AQR: variants seen among roughly 807,000 people sequenced by gnomAD.
The protein encoded by AQR is aquarius intron-binding spliceosomal factor, also known as RNA helicase aquarius.
In AQR, 61 loss-of-function variants were observed where a neutral mutation model predicts 180.5. The ratio of observed to expected loss-of-function variants is 0.34; its 90% CI spans 0.28 to 0.42. The LOEUF is 0.42. Among genes scored for constraint, AQR ranks in the 10% least tolerant of loss-of-function variants. The pLI is 1.00. For synonymous variants in AQR, 551 were observed against 588.8 expected, an observed-to-expected ratio of 0.94 and a Z score of 0.93; for missense variants, 1,281 against 1,798.3, an observed-to-expected ratio of 0.71 and a Z score of 5.20.
At chr15:34,953,641 T>C (rs1319694004) in intron 3 of AQR, among the ~76,000 whole-genome samples, 1 of 152,222 alleles carries the variant, frequency 6.6e-6, no homozygotes, top group Non-Finnish European at 1.5e-5. Context: ...GCCAAAGTAC[T>C]GGCTTCTACA....
At chr15:34,874,140 G>C (rs1349467203) in intron 29 of AQR, 141 bp from the exon 30 acceptor site, 7 of 827,236 alleles carry the variant, frequency 8.5e-6, no homozygotes, top group Non-Finnish European at 1.2e-5. Context: ...AAGCAATAAT[G>C]CTCTTTCAAC....
intron 5 of AQR, among the ~76,000 whole-genome samples, chr15:34,947,507 T>TAAA (rs748885960): frequency 0.018 from 2,459 of 134,722 alleles, 94 homozygotes; most frequent in East Asian, 0.11. Context: ...GAATGATCAA[T>TAAA]AAAAAAAATA....
At chr15:34,910,023 G>T in intron 17 of AQR, 112 bp downstream of exon 17, 1 of 1,237,756 alleles carries the variant, frequency 8.1e-7, no homozygotes. Flanking sequence ...CAAGGATAAC[G>T]CTTAATAAAA....
At chr15:34,886,772 G>C (rs1185868056) in intron 24 of AQR, 111 bp from the exon 25 acceptor site, 9 of 1,102,292 alleles carry the variant, frequency 8.2e-6, no homozygotes, top group Non-Finnish European at 1.0e-5. Context: ...AAAAAAACTA[G>C]AAGATATGGC....
At chr15:34,954,351 G>A (rs2140504692) in intron 3 of AQR, among the ~76,000 whole-genome samples, 1 of 151,920 alleles carries the variant, frequency 6.6e-6, no homozygotes, top group South Asian at 2.1e-4. Flanking sequence ...TATTGCCCAG[G>A]CTAGAGTACA....
intron 11 of AQR, 126 bp downstream of exon 11, chr15:34,932,192 T>C (rs1893875012): frequency 5.7e-6 from 4 of 705,886 alleles, no homozygotes; most frequent in Admixed American, 2.9e-5. Flanking sequence ...TCATTTTATA[T>C]ATTAAGACAT....
At chr15:34,948,992 C>CT (rs752603530) in intron 4 of AQR, among the ~76,000 whole-genome samples, 13 of 150,542 alleles carry the variant, frequency 8.6e-5, no homozygotes, top group South Asian at 2.1e-4. Flanking sequence ...TTACTTAAGG[C>CT]TTTTTTTTTG....
At chr15:34,896,090 A>G (rs1051047466) in intron 22 of AQR, among the ~76,000 whole-genome samples, 2 of 152,238 alleles carry the variant, frequency 1.3e-5, no homozygotes, top group African/African-American at 4.8e-5. Context: ...ATACTTAAAA[A>G]TTAAACACAC....
At chr15:34,887,401 T>C (rs1046273545) in intron 24 of AQR, among the ~76,000 whole-genome samples, 3 of 152,230 alleles carry the variant, frequency 2.0e-5, no homozygotes, top group African/African-American at 4.8e-5. Context: ...TAAAAGTAGA[T>C]TAGATCTAAA....
chr15:34,856,497 ATATAT>A lies in AQR; in HGVS notation c.*290_*294del. 2 of 409,228 alleles carry A rather than the reference ATATAT, an allele frequency of 4.9e-6. No individual in the cohort carries two copies. The highest frequency in any genetic ancestry group is 8.6e-6 in the Non-Finnish European group (2 of 231,566). The allele number at this position is 409,228 out of a possible 1,614,324, so 25.3% of individuals were successfully genotyped here. A position where few individuals can be genotyped will look rare whatever the true frequency, so the allele number is the denominator to read the frequency against. On this transcript the variant is annotated 3_prime_UTR_variant, in exon 35 of 35. Coordinates refer to ENST00000156471, the MANE Select transcript of AQR (RefSeq NM_014691.3). ...GAGAAGTTCACTAAAAATGTGAAGTATATATTATATATTCATAGAAAATGATTTTA... is the reference window on the plus strand; with the variant it reads ...GAGAAGTTCACTAAAAATGTGAAGTATATATATTCATAGAAAATGATTTTA...
At chr15:34,962,326 A>G (rs567518642) in intron 2 of AQR, among the ~76,000 whole-genome samples, 33 of 152,240 alleles carry the variant, frequency 2.2e-4, no homozygotes, top group African/African-American at 7.7e-4. Context: ...CTAGCCTATA[A>G]TATCTTTTAA....
intron 31 of AQR, chr15:34,869,765 A>G (rs1353309948): frequency 2.0e-5 from 3 of 151,996 alleles, no homozygotes; most frequent in African/African-American, 4.8e-5. Context: ...ATTTTCTTCC[A>G]GCTTACATTT....
intron 33 of AQR, 135 bp downstream of exon 33, chr15:34,862,732 C>T: frequency 1.1e-6 from 1 of 899,406 alleles, no homozygotes; most frequent in Non-Finnish European, 1.6e-6. Flanking sequence ...TACCTCAGTT[C>T]CTCAGTGCAG....
chr15:34,918,516 C>T (rs1301351560), intron 14 of AQR, 138 bp from the exon 15 acceptor site: 1 of 954,130 alleles, frequency 1.0e-6, no homozygotes, highest in African/African-American at 1.7e-5. Context: ...CCTATTTTCT[C>T]CATAGATCAA....
At chr15:34,927,236 G>A (rs956335569) in intron 12 of AQR, 98 bp from the exon 13 acceptor site, 15 of 666,320 alleles carry the variant, frequency 2.3e-5, no homozygotes, top group South Asian at 4.2e-5. Context: ...AAATATTAAC[G>A]CATTTCTGTC....
intron 5 of AQR, chr15:34,948,021 C>G: frequency 2.6e-6 from 1 of 377,660 alleles, no homozygotes; most frequent in South Asian, 3.9e-5. Context: ...GTTTCAAACA[C>G]AAAGCAGAAA....
chr15:34,906,467 T>C, intron 18 of AQR, 78 bp downstream of exon 18: 1 of 1,531,880 alleles, frequency 6.5e-7, no homozygotes, highest in South Asian at 1.2e-5. Context: ...AAATATTACC[T>C]AAGAAGCAAA....
At chr15:34,946,903 C>CT (rs1432169163) in intron 5 of AQR, among the ~76,000 whole-genome samples, 3 of 142,986 alleles carry the variant, frequency 2.1e-5, no homozygotes, top group African/African-American at 5.2e-5. Flanking sequence ...GTCAGCCCCC[C>CT]GTCCGGCCAG....
intron 20 of AQR, among the ~76,000 whole-genome samples, chr15:34,898,905 C>T (rs1331251489): frequency 3.5e-5 from 5 of 142,334 alleles, no homozygotes; most frequent in Non-Finnish European, 7.6e-5. Flanking sequence ...CGGTGGCTCA[C>T]GCCTGTAATC....
Sources: allele counts gnomAD v4.1 joint callset (sites outside exome capture counted in the v4.1 genomes callset), GRCh38; gene constraint gnomAD v4.1.1; transcripts MANE v1.5; gene names NCBI Gene and HGNC (gene_info 2026-07-23, HGNC 2026-07-21).